The following PAM variants were observed in gnomAD, a reference collection of about 807,000 sequenced individuals.
PAM encodes peptidylglycine alpha-amidating monooxygenase.
PAM carries 72 observed loss-of-function variants against 122.1 expected under a neutral mutation model. The observed-to-expected ratio is 0.59, with a 90% CI of 0.49 to 0.72. PAM has a LOEUF of 0.72. PAM is among the 30% of genes least tolerant of loss of function. PAM has a pLI of 0.00. For missense variants in PAM, 1,106 were observed against 1,183.7 expected (o/e 0.93, Z 0.96); for synonymous variants, 389 against 404.4 (o/e 0.96, Z 0.46).
chr5:103,006,549 T>C (rs1335831119), intron 18 of PAM, among the ~76,000 whole-genome samples: 1 of 152,188 alleles, frequency 6.6e-6, no homozygotes, highest in Non-Finnish European at 1.5e-5. Flanking sequence ...TGTACTAGTC[T>C]CCATTCACTA....
Position 103,006,661 on chromosome 5 carries a change from T to C in PAM, c.1804-140T>C, listed in dbSNP as rs1439628353. The C allele has an allele frequency of 4.7e-6, 3 of 643,796 alleles. No individual in the cohort carries two copies. The East Asian group carries it at 7.8e-5, about 17-fold the overall frequency. The allele number at this position is 643,796 out of a possible 1,614,324, so 39.9% of individuals were successfully genotyped here. A position where few individuals can be genotyped will look rare whatever the true frequency, so the allele number is the denominator to read the frequency against. On this transcript the variant is annotated intron_variant, in intron 18 of 25. Coordinates refer to ENST00000438793, the MANE Select transcript of PAM (RefSeq NM_001177306.2). ...TGATTTCTAGGATCCCGTTCAGTTC[T>C]AACAAGTATTAATACCTTCTTTTAA...
At position 102,990,281 on chromosome 5, in the gene PAM, T is replaced by C. The variant is rs368149422; in HGVS notation, c.1493T>C (p.Met498Thr). The change falls in exon 16 of 26, where the codon ATG (methionine) becomes ACG (threonine). Residue 498 changes from methionine to threonine, a missense_variant. By Grantham distance (81) the Met-to-Thr change is moderately conservative. Transcript: ENST00000438793. Reference protein sequence around the residue: ...WEPEHTGDFHMEEALDWPGVY... With the variant: ...WEPEHTGDFHTEEALDWPGVY... ...TGGATATATCTTTTAGATTTCCACA[T>C]GGAAGAGGCACTGGATTGGCCTGGA... 1.6e-5 allele frequency: 24 copies of C among 1,547,436 alleles called. No individual in the cohort carries two copies. Among genetic ancestry groups the C allele is most frequent in the Non-Finnish European group, 1.9e-5 (22 of 1,139,204 alleles).
chr5:102,852,430 T>A (rs1781550929), intron 1 of PAM, among the ~76,000 whole-genome samples: 1 of 152,176 alleles, frequency 6.6e-6, no homozygotes. Flanking sequence ...CTCTGTTTTT[T>A]TCTATTTGGT....
chr5:102,932,184 G>T (rs549354821), intron 7 of PAM, among the ~76,000 whole-genome samples: 37 of 152,248 alleles, frequency 2.4e-4, no homozygotes, highest in African/African-American at 8.2e-4. Flanking sequence ...ATCTTGGATA[G>T]AAATCATTTT....
At chr5:102,890,289 C>A (rs1794408581) in intron 3 of PAM, among the ~76,000 whole-genome samples, 1 of 151,828 alleles carries the variant, frequency 6.6e-6, no homozygotes, top group African/African-American at 2.4e-5. Context: ...AATGTTAATA[C>A]TACCTATTAA....
intron 4 of PAM, among the ~76,000 whole-genome samples, chr5:102,904,295 TTC>T (rs1798883983): frequency 6.6e-6 from 1 of 151,598 alleles, no homozygotes; most frequent in African/African-American, 2.4e-5. Context: ...CTCATAGTCA[TTC>T]TGTTTGTTTA....
At chr5:102,927,871 A>G (rs1172192762) in intron 7 of PAM, among the ~76,000 whole-genome samples, 1 of 151,954 alleles carries the variant, frequency 6.6e-6, no homozygotes, top group Non-Finnish European at 1.5e-5. Flanking sequence ...ATACACAAAT[A>G]ACTTTTCATT....
intron 5 of PAM, among the ~76,000 whole-genome samples, chr5:102,923,374 C>T (rs1351393185): frequency 1.3e-5 from 2 of 152,174 alleles, no homozygotes; most frequent in Non-Finnish European, 2.9e-5. Context: ...GCCTTTGCTT[C>T]CCATCCAGGT....
At chr5:102,881,942 T>A (rs1791267569) in intron 3 of PAM, among the ~76,000 whole-genome samples, 1 of 150,208 alleles carries the variant, frequency 6.7e-6, no homozygotes, top group Admixed American at 6.7e-5. Context: ...GATGTTTGGT[T>A]TTCCATTCCT....
intron 4 of PAM, among the ~76,000 whole-genome samples, chr5:102,908,527 T>A (rs1209315550): frequency 1.5e-5 from 2 of 135,100 alleles, no homozygotes; most frequent in African/African-American, 5.7e-5. Flanking sequence ...TGAGATCACA[T>A]GGACACAGGA....
intron 1 of PAM, among the ~76,000 whole-genome samples, chr5:102,803,100 G>A (rs1765201720): frequency 6.6e-6 from 1 of 150,904 alleles, no homozygotes; most frequent in African/African-American, 2.4e-5. Context: ...TCCAGCCTGG[G>A]CAACAGAGAG....
intron 14 of PAM, among the ~76,000 whole-genome samples, chr5:102,964,584 G>A (rs1582260155): frequency 6.6e-6 from 1 of 151,722 alleles, no homozygotes; most frequent in Non-Finnish European, 1.5e-5. Context: ...TGCTTATTTT[G>A]ACTGATTTTT....
chr5:103,013,348 T>G (rs915154549), intron 21 of PAM, among the ~76,000 whole-genome samples: 3 of 152,210 alleles, frequency 2.0e-5, no homozygotes, highest in African/African-American at 7.2e-5. Flanking sequence ...TTACATTTTC[T>G]ATTTCTTTTT....
chr5:102,969,499 T>G (rs1765188516), intron 14 of PAM, among the ~76,000 whole-genome samples: 1 of 152,056 alleles, frequency 6.6e-6, no homozygotes, highest in Admixed American at 6.6e-5. Flanking sequence ...GAGAAGAGTC[T>G]TTCACTATGA....
intron 1 of PAM, among the ~76,000 whole-genome samples, chr5:102,813,490 A>C (rs1449105337): frequency 6.6e-6 from 1 of 152,196 alleles, no homozygotes; most frequent in Non-Finnish European, 1.5e-5. Context: ...TCAGAGAACC[A>C]TTGCAAGCTC....
chr5:102,776,039 G>A (rs1757084535), intron 1 of PAM, among the ~76,000 whole-genome samples: 1 of 152,094 alleles, frequency 6.6e-6, no homozygotes, highest in South Asian at 2.1e-4. Flanking sequence ...CATTCTGACT[G>A]GCATGAGATG....
chr5:102,912,773 A>G (rs1019087210), intron 4 of PAM, among the ~76,000 whole-genome samples: 1 of 151,996 alleles, frequency 6.6e-6, no homozygotes, highest in African/African-American at 2.4e-5. Context: ...CTTCATTAAT[A>G]TTTTAAATGA....
At chr5:102,903,425 G>A (rs114057014) in intron 4 of PAM, among the ~76,000 whole-genome samples, 271 of 151,582 alleles carry the variant, frequency 1.8e-3, no homozygotes, top group African/African-American at 6.3e-3. Flanking sequence ...AATAAGTAAA[G>A]GAAATTTTGC....
intron 20 of PAM, among the ~76,000 whole-genome samples, chr5:103,009,347 T>C (rs959750382): frequency 6.6e-6 from 1 of 152,212 alleles, no homozygotes; most frequent in Non-Finnish European, 1.5e-5. Flanking sequence ...TCCATGTAGC[T>C]ATGGCAAATA....
Sources: allele counts gnomAD v4.1 joint callset (sites outside exome capture counted in the v4.1 genomes callset), GRCh38; gene constraint gnomAD v4.1.1; transcripts MANE v1.5; gene names NCBI Gene and HGNC (gene_info 2026-07-23, HGNC 2026-07-21).